NT5DC1: variants seen among roughly 807,000 people sequenced by gnomAD.
The protein encoded by NT5DC1 is 5'-nucleotidase domain-containing protein 1.
In NT5DC1, 42 loss-of-function variants were observed where a neutral mutation model predicts 59.4. That is an observed-to-expected ratio of 0.71 (90% confidence interval 0.55 to 0.92). The LOEUF is 0.92. NT5DC1 is among the 40% of genes least tolerant of loss of function. NT5DC1 has a pLI of 0.00. For missense variants in NT5DC1, 501 were observed against 537.1 expected (o/e 0.93, Z 0.66); for synonymous variants, 172 against 188.1 (o/e 0.91, Z 0.70).
intron 11 of NT5DC1, among the ~76,000 whole-genome samples, chr6:116,240,158 G>C (rs2114564021): frequency 6.6e-6 from 1 of 152,232 alleles, no homozygotes; most frequent in South Asian, 2.1e-4. Context: ...TAAGATTTCA[G>C]GTAAGATATG....
intron 6 of NT5DC1, among the ~76,000 whole-genome samples, chr6:116,145,885 T>C (rs1779886406): frequency 6.6e-6 from 1 of 152,242 alleles, no homozygotes; most frequent in Admixed American, 6.5e-5. Context: ...ATTTATGTGA[T>C]GGTATTTGAG....
intron 6 of NT5DC1, among the ~76,000 whole-genome samples, chr6:116,178,518 G>A (rs1319276911): frequency 6.6e-6 from 1 of 152,162 alleles, no homozygotes; most frequent in Non-Finnish European, 1.5e-5. Context: ...AAAACTAACC[G>A]ACTTCCAGTC....
chr6:116,164,871 CAGG>C (rs1780425518), intron 6 of NT5DC1, among the ~76,000 whole-genome samples: 1 of 151,970 alleles, frequency 6.6e-6, no homozygotes, highest in Admixed American at 6.6e-5. Context: ...ATCATAAGGT[CAGG>C]AGATCGAGAC....
At chr6:116,226,637 C>T (rs1396801821) in intron 8 of NT5DC1, among the ~76,000 whole-genome samples, 1 of 151,810 alleles carries the variant, frequency 6.6e-6, no homozygotes, top group Non-Finnish European at 1.5e-5. Context: ...GATGTTTATC[C>T]AAACTATATA....
At chr6:116,232,819 A>G (rs1184220242) in intron 8 of NT5DC1, among the ~76,000 whole-genome samples, 3 of 152,234 alleles carry the variant, frequency 2.0e-5, no homozygotes, top group Non-Finnish European at 2.9e-5. Context: ...AGAAAATAAA[A>G]AGATTTACTT....
At chr6:116,136,167 G>A (rs372828451) in intron 6 of NT5DC1, among the ~76,000 whole-genome samples, 3 of 151,970 alleles carry the variant, frequency 2.0e-5, no homozygotes, top group African/African-American at 7.2e-5. Context: ...TAGGTTACAC[G>A]TATGAGTGAG....
intron 4 of NT5DC1, among the ~76,000 whole-genome samples, chr6:116,114,174 T>A (rs1211415674): frequency 6.6e-6 from 1 of 152,164 alleles, no homozygotes; most frequent in Non-Finnish European, 1.5e-5. Flanking sequence ...AGGAAGACTA[T>A]ATCAACCAAA....
intron 6 of NT5DC1, among the ~76,000 whole-genome samples, chr6:116,163,141 A>AAAAAAAAAATATATATAT (rs761718922): frequency 1.1e-4 from 10 of 88,402 alleles, no homozygotes; most frequent in African/African-American, 5.2e-4. Context: ...AAAAAAAAAA[A>AAAAAAAAAATATATATAT]ATATATATAT....
intron 6 of NT5DC1, among the ~76,000 whole-genome samples, chr6:116,216,166 C>A (rs1781684386): frequency 6.6e-6 from 1 of 151,932 alleles, no homozygotes. Context: ...TAATTGGCAA[C>A]AGTTATTATT....
intron 6 of NT5DC1, among the ~76,000 whole-genome samples, chr6:116,205,040 A>G (rs1781423516): frequency 6.6e-6 from 1 of 151,996 alleles, no homozygotes; most frequent in Non-Finnish European, 1.5e-5. Flanking sequence ...GCAAGTCCGT[A>G]GAAATTTATC....
chr6:116,131,529 T>G (rs1479981159), intron 6 of NT5DC1, among the ~76,000 whole-genome samples: 3 of 152,202 alleles, frequency 2.0e-5, no homozygotes, highest in African/African-American at 7.2e-5. Context: ...ATATTGGAGA[T>G]CATTGCAGAA....
At chr6:116,110,771 G>C in intron 3 of NT5DC1, 79 bp from the exon 4 acceptor site, 1 of 1,017,186 alleles carries the variant, frequency 9.8e-7, no homozygotes, top group Admixed American at 1.7e-5. Flanking sequence ...GTGGCAACAG[G>C]GATCAACAGT....
At chr6:116,161,092 C>T (rs1211359006) in intron 6 of NT5DC1, among the ~76,000 whole-genome samples, 1 of 149,786 alleles carries the variant, frequency 6.7e-6, no homozygotes, top group Non-Finnish European at 1.5e-5. Flanking sequence ...ATCGTAAGAA[C>T]AAAAAACCAA....
At chr6:116,129,151 G>A (rs187216992) in intron 6 of NT5DC1, among the ~76,000 whole-genome samples, 7 of 151,904 alleles carry the variant, frequency 4.6e-5, no homozygotes, top group African/African-American at 9.7e-5. Flanking sequence ...TGTCATCATC[G>A]TATTAAAAAA....
intron 7 of NT5DC1, 109 bp downstream of exon 7, chr6:116,221,337 T>C (rs12193974): frequency 0.22 from 148,058 of 660,336 alleles, 20,139 homozygotes; most frequent in Non-Finnish European, 0.29. Context: ...TTTTAAACAA[T>C]GCTGAGTGAC....
At chr6:116,204,977 TAA>T (rs1781422171) in intron 6 of NT5DC1, among the ~76,000 whole-genome samples, 1 of 151,996 alleles carries the variant, frequency 6.6e-6, no homozygotes, top group Non-Finnish European at 1.5e-5. Flanking sequence ...TGTAAGTCCA[TAA>T]CACCTTATTG....
intron 8 of NT5DC1, among the ~76,000 whole-genome samples, chr6:116,223,332 A>T (rs1781847016): frequency 6.6e-6 from 1 of 152,226 alleles, no homozygotes; most frequent in Non-Finnish European, 1.5e-5. Context: ...CCCCAACTTT[A>T]AAAATGAAGG....
intron 4 of NT5DC1, among the ~76,000 whole-genome samples, chr6:116,113,810 G>A (rs1237206455): frequency 6.6e-6 from 1 of 152,294 alleles, no homozygotes; most frequent in Middle Eastern, 3.4e-3. Flanking sequence ...AGAATGGGAG[G>A]AGAAAAGCAA....
At chr6:116,189,722 GA>G (rs997287193) in intron 6 of NT5DC1, among the ~76,000 whole-genome samples, 43 of 149,422 alleles carry the variant, frequency 2.9e-4, no homozygotes, top group African/African-American at 9.5e-4. Flanking sequence ...TTCTGAGGAT[GA>G]AAAAAAAATG....
Sources: allele counts gnomAD v4.1 joint callset (sites outside exome capture counted in the v4.1 genomes callset), GRCh38; gene constraint gnomAD v4.1.1; transcripts MANE v1.5; gene names NCBI Gene and HGNC (gene_info 2026-07-23, HGNC 2026-07-21).